The following SAMSN1 variants were observed in gnomAD, a reference collection of about 807,000 sequenced individuals.
SAMSN1 encodes SAM domain-containing protein SAMSN-1.
Under a neutral mutation model 42.0 loss-of-function variants are expected in SAMSN1, and 31 were observed. The ratio of observed to expected loss-of-function variants is 0.74; its 90% CI spans 0.55 to 1.00. The LOEUF is 1.00. SAMSN1 is among the 50% of genes least tolerant of loss of function. SAMSN1 has a pLI of 0.00. For missense variants in SAMSN1, 464 were observed against 439.4 expected, an observed-to-expected ratio of 1.06 and a Z score of -0.50; for synonymous variants, 178 against 151.9, an observed-to-expected ratio of 1.17 and a Z score of -1.26.
chr21:14,650,985 C>T (rs1983825262), intron 1 of SAMSN1, among the ~76,000 whole-genome samples: 1 of 151,740 alleles, frequency 6.6e-6, no homozygotes, highest in Non-Finnish European at 1.5e-5. Flanking sequence ...AAGAGGAAAT[C>T]CAAAACCTGA....
At chr21:14,595,282 T>C (rs1280391354) in intron 6 of SAMSN1, among the ~76,000 whole-genome samples, 4 of 152,128 alleles carry the variant, frequency 2.6e-5, no homozygotes, top group Admixed American at 6.6e-5. Flanking sequence ...AACTAAGTCA[T>C]GAGGGCCCTC....
intron 2 of SAMSN1, among the ~76,000 whole-genome samples, chr21:14,558,161 GC>G (rs1307577923): frequency 6.6e-6 from 1 of 152,132 alleles, no homozygotes; most frequent in African/African-American, 2.4e-5. Flanking sequence ...GCAGACAGGG[GC>G]TCAGGAAATG....
At chr21:14,510,643 A>T (rs1987649709) in intron 4 of SAMSN1, among the ~76,000 whole-genome samples, 182 bp from the exon 5 acceptor site, 1 of 151,632 alleles carries the variant, frequency 6.6e-6, no homozygotes, top group Non-Finnish European at 1.5e-5. Context: ...CTGTCCTCTG[A>T]GCCATTTCGA....
At chr21:14,540,844 T>C (rs1971687288) in intron 1 of SAMSN1, among the ~76,000 whole-genome samples, 1 of 152,196 alleles carries the variant, frequency 6.6e-6, no homozygotes, top group South Asian at 2.1e-4. Context: ...GTATGTTTAT[T>C]GTGGCACTGT....
chr21:14,524,303 TG>T (rs1475019475), intron 1 of SAMSN1, among the ~76,000 whole-genome samples: 1 of 152,190 alleles, frequency 6.6e-6, no homozygotes, highest in Non-Finnish European at 1.5e-5. Flanking sequence ...ATAATTGTAA[TG>T]TATTAGACTT....
intron 5 of SAMSN1, among the ~76,000 whole-genome samples, chr21:14,608,442 C>A (rs1982620437): frequency 6.6e-6 from 1 of 152,146 alleles, no homozygotes; most frequent in East Asian, 1.9e-4. Context: ...TCTGACTAGC[C>A]CCTCCACAGT....
intron 5 of SAMSN1, 97 bp from the exon 6 acceptor site, chr21:14,500,832 T>G: frequency 1.1e-6 from 1 of 937,454 alleles, no homozygotes; most frequent in South Asian, 1.5e-5. Flanking sequence ...GACATTATGC[T>G]AAAGGGGTTC....
chr21:14,516,819 C>T (rs1250030702), intron 3 of SAMSN1, 73 bp downstream of exon 3: 1 of 1,290,234 alleles, frequency 7.8e-7, no homozygotes, highest in Non-Finnish European at 1.1e-6. Flanking sequence ...GTACCAAGCA[C>T]TTCTATAGTC....
At chr21:14,492,026 T>C (rs1486754272) in intron 7 of SAMSN1, among the ~76,000 whole-genome samples, 1 of 152,164 alleles carries the variant, frequency 6.6e-6, no homozygotes, top group Non-Finnish European at 1.5e-5. Flanking sequence ...AACTACTTCA[T>C]TGTTTGGGTA....
intron 2 of SAMSN1, among the ~76,000 whole-genome samples, chr21:14,642,748 T>G (rs1443513914): frequency 6.6e-6 from 1 of 152,222 alleles, no homozygotes; most frequent in Non-Finnish European, 1.5e-5. Context: ...TATAATTATT[T>G]ATAGTCATAA....
At chr21:14,558,046 G>A (rs749584854) in intron 2 of SAMSN1, among the ~76,000 whole-genome samples, 10 of 152,112 alleles carry the variant, frequency 6.6e-5, no homozygotes, top group African/African-American at 1.7e-4. Context: ...ACACATATAG[G>A]TGCTTGATTG....
intron 1 of SAMSN1, among the ~76,000 whole-genome samples, chr21:14,529,573 T>G (rs776696258): frequency 1.4e-4 from 22 of 151,980 alleles, no homozygotes; most frequent in Non-Finnish European, 2.4e-4. Flanking sequence ...GTACTCAGAG[T>G]AAGGGCTGTC....
intron 1 of SAMSN1, among the ~76,000 whole-genome samples, chr21:14,538,137 T>C (rs1157895954): frequency 6.6e-6 from 1 of 152,234 alleles, no homozygotes; most frequent in East Asian, 1.9e-4. Context: ...GTTTTGTTTT[T>C]GGAGCGGACG....
intron 3 of SAMSN1, among the ~76,000 whole-genome samples, chr21:14,615,037 G>A (rs1052995878): frequency 2.0e-5 from 3 of 152,102 alleles, no homozygotes; most frequent in Admixed American, 2.0e-4. Context: ...CTACTATTTT[G>A]TTTAAGTACG....
At chr21:14,611,182 T>C (rs1265736324) in intron 4 of SAMSN1, among the ~76,000 whole-genome samples, 1 of 152,166 alleles carries the variant, frequency 6.6e-6, no homozygotes, top group African/African-American at 2.4e-5. Flanking sequence ...AGATTCTCCA[T>C]CATTTCTAAC....
At chr21:14,607,321 T>A (rs897101557) in intron 5 of SAMSN1, among the ~76,000 whole-genome samples, 26 of 152,226 alleles carry the variant, frequency 1.7e-4, no homozygotes, top group African/African-American at 6.0e-4. Context: ...CATAGGTCAC[T>A]AATTACTTAG....
At chr21:14,649,051 A>G (rs1983774803) in intron 1 of SAMSN1, among the ~76,000 whole-genome samples, 1 of 152,140 alleles carries the variant, frequency 6.6e-6, no homozygotes, top group African/African-American at 2.4e-5. Flanking sequence ...CTGGATTAAG[A>G]AAATGTGGCA....
intron 2 of SAMSN1, among the ~76,000 whole-genome samples, chr21:14,570,499 A>T (rs1285687279): frequency 6.6e-6 from 1 of 152,220 alleles, no homozygotes; most frequent in Non-Finnish European, 1.5e-5. Flanking sequence ...ATTAAAGGAC[A>T]GATTTGGAAT....
chr21:14,594,339 A>G (rs1982191532), intron 6 of SAMSN1, among the ~76,000 whole-genome samples: 1 of 152,078 alleles, frequency 6.6e-6, no homozygotes, highest in Non-Finnish European at 1.5e-5. Flanking sequence ...TGTGTGTGTG[A>G]TATGTGTATG....
Sources: allele counts gnomAD v4.1 joint callset (sites outside exome capture counted in the v4.1 genomes callset), GRCh38; gene constraint gnomAD v4.1.1; transcripts MANE v1.5; gene names NCBI Gene and HGNC (gene_info 2026-07-23, HGNC 2026-07-21).